Variants in EDAR observed in about 807,000 individuals in gnomAD.
The protein encoded by EDAR is ectodysplasin A receptor, also known as tumor necrosis factor receptor superfamily member EDAR.
EDAR carries 38 observed loss-of-function variants against 51.3 expected under a neutral mutation model. That is an observed-to-expected ratio of 0.74 (90% CI 0.57 to 0.97). EDAR has a LOEUF of 0.97. Among genes scored for constraint, EDAR ranks in the 50% least tolerant of loss-of-function variants. The pLI, the probability that EDAR is intolerant of heterozygous loss-of-function variation, is 0.00. For missense variants in EDAR, 528 were observed against 595.0 expected (o/e 0.89, Z 1.17); for synonymous variants, 227 against 242.1 (o/e 0.94, Z 0.58).
intron 1 of EDAR, among the ~76,000 whole-genome samples, chr2:108,959,379 C>T (rs1211531770): frequency 2.6e-5 from 4 of 152,228 alleles, no homozygotes; most frequent in African/African-American, 9.6e-5. Flanking sequence ...AATCAGAGCT[C>T]CCCAGTGTCT....
chr2:108,987,257 C>T (rs56364267), intron 1 of EDAR, among the ~76,000 whole-genome samples: 5,384 of 152,344 alleles, frequency 0.035, 319 homozygotes, highest in African/African-American at 0.12. Flanking sequence ...CAGAAAGGAG[C>T]GTCAGGTAAC....
intron 1 of EDAR, among the ~76,000 whole-genome samples, chr2:108,988,306 C>A (rs1236245499): frequency 6.6e-6 from 1 of 152,184 alleles, no homozygotes; most frequent in Admixed American, 6.5e-5. Flanking sequence ...GGAATCAGAG[C>A]CGACTGAATC....
At chr2:108,944,726 C>T (rs1202033101) in intron 1 of EDAR, among the ~76,000 whole-genome samples, 3 of 152,128 alleles carry the variant, frequency 2.0e-5, no homozygotes, top group South Asian at 2.1e-4. Flanking sequence ...TGCAGCACCC[C>T]CACCGTGCAG....
intron 5 of EDAR, among the ~76,000 whole-genome samples, chr2:108,919,768 G>C (rs775558092): frequency 6.6e-6 from 1 of 152,130 alleles, no homozygotes; most frequent in Admixed American, 6.5e-5. Context: ...GGTCAGCGAG[G>C]CTCCGTGGGG....
At chr2:108,984,143 G>T (rs1045599179) in intron 1 of EDAR, among the ~76,000 whole-genome samples, 6 of 152,068 alleles carry the variant, frequency 3.9e-5, no homozygotes, top group South Asian at 2.1e-4. Context: ...ATGTGTTAAC[G>T]GCCAAGGGAG....
Position 108,896,517 on chromosome 2 carries a change from C to T in EDAR, c.*390G>A, listed in dbSNP as rs1173845056. The T allele has an allele frequency of 5.2e-6, 1 of 192,142 alleles. No individual in the cohort carries two copies. Among genetic ancestry groups the T allele is most frequent in the Non-Finnish European group, 1.1e-5 (1 of 91,924 alleles). 11.9% of individuals were successfully genotyped at this position (192,142 alleles called of 1,614,324 possible). ...GTTTGTAAACATACGTTCCTTCTGT[C>T]TTCTACTGGAGTGCAAACTCCTTAA... is the stretch of plus-strand genomic sequence containing the variant. On this transcript the variant is annotated 3_prime_UTR_variant, in exon 12 of 12. Coordinates refer to ENST00000258443, the MANE Select transcript of EDAR (RefSeq NM_022336.4).
Position 108,896,985 on chromosome 2 carries a change from A to G in EDAR, c.1269T>C (p.Ala423=), listed in dbSNP as rs760079482. 6.2e-7 allele frequency: 1 copy of G among 1,613,832 alleles called. No homozygotes were observed. Residue 423 remains alanine (A), a synonymous_variant, in exon 12 of 12, where the codon GCT becomes GCC. Coordinates refer to ENST00000258443, the MANE Select transcript of EDAR (RefSeq NM_022336.4). ...TKLVQIERLD[A]VESLCADILE... ...GTATGTCTGCACACAAGGACTCCAC[A>G]GCATCCAGCCGCTCAATCTGCACCA...
intron 4 of EDAR, among the ~76,000 whole-genome samples, chr2:108,925,250 G>A (rs1697230622): frequency 6.6e-6 from 1 of 152,248 alleles, no homozygotes; most frequent in African/African-American, 2.4e-5. Context: ...AACATTGGCT[G>A]AATGAATGAA....
At chr2:108,914,883 T>C (rs1696998960) in intron 5 of EDAR, among the ~76,000 whole-genome samples, 1 of 152,186 alleles carries the variant, frequency 6.6e-6, no homozygotes, top group Non-Finnish European at 1.5e-5. Flanking sequence ...GCAGCAAGGC[T>C]TCCGGGAGAA....
chr2:108,910,339 C>T (rs1210626897), intron 9 of EDAR, 121 bp downstream of exon 9: 9 of 800,266 alleles, frequency 1.1e-5, no homozygotes, highest in African/African-American at 5.1e-5. Context: ...TGTCTGTCGC[C>T]GAACGTCCCC....
rs879008158 is a variant in EDAR, at chr2:108,896,918, CA to C, written c.1335del (p.His445GlnfsTer55). The C allele has an allele frequency of 1.9e-6, 3 of 1,612,184 alleles. No homozygotes were observed. The South Asian group carries it at 3.3e-5, about 18-fold the overall frequency. On this transcript the variant is annotated frameshift_variant, in exon 12 of 12. Coordinates refer to ENST00000258443, the MANE Select transcript of EDAR (RefSeq NM_022336.4). LOFTEE classifies it high-confidence loss of function. ...CACAGGCATGCTTTTCAGGATGCAG[CA>C]TGTGGCTGGGAGGCAGGTGGCACAA... ...AGVVPPASQPHAAS is the reference protein window; with the variant it reads ...AGVVPPASQPXAAS
chr2:108,914,748 A>G (rs1391485202), intron 5 of EDAR, among the ~76,000 whole-genome samples: 2 of 152,206 alleles, frequency 1.3e-5, no homozygotes, highest in Non-Finnish European at 2.9e-5. Flanking sequence ...CGTGAAGTGC[A>G]CTTGGTCTAC....
chr2:108,935,912 C>T (rs547926054), intron 1 of EDAR, among the ~76,000 whole-genome samples: 7 of 152,170 alleles, frequency 4.6e-5, no homozygotes, highest in Admixed American at 1.3e-4. Flanking sequence ...CTGAGCTGCT[C>T]GCCTCTTGGA....
chr2:108,985,864 A>C (rs1452165469), intron 1 of EDAR, among the ~76,000 whole-genome samples: 1 of 152,200 alleles, frequency 6.6e-6, no homozygotes, highest in Admixed American at 6.5e-5. Flanking sequence ...GAAGGAGCCC[A>C]TTCATTCATT....
intron 1 of EDAR, among the ~76,000 whole-genome samples, chr2:108,941,550 C>T (rs1697596001): frequency 6.6e-6 from 1 of 152,202 alleles, no homozygotes; most frequent in Non-Finnish European, 1.5e-5. Context: ...TTACACTCAG[C>T]TCTGAGGGTC....
At chr2:108,922,926 A>G (rs10203613) in intron 5 of EDAR, among the ~76,000 whole-genome samples, 16,256 of 152,226 alleles carry the variant, frequency 0.11, 1,187 homozygotes, top group African/African-American at 0.2. Flanking sequence ...GCTTTGTGGA[A>G]TCTGTTTCAT....
At chr2:108,933,806 G>T (rs572559038) in intron 1 of EDAR, among the ~76,000 whole-genome samples, 1 of 152,106 alleles carries the variant, frequency 6.6e-6, no homozygotes, top group African/African-American at 2.4e-5. Flanking sequence ...CCTGCAGCCC[G>T]TCAGGTGGGG....
intron 1 of EDAR, among the ~76,000 whole-genome samples, chr2:108,984,266 C>G (rs1444078264): frequency 6.6e-6 from 1 of 152,102 alleles, no homozygotes. Context: ...ACTTGGAGAC[C>G]CAGCTCCTTA....
chr2:108,912,575 A>C, intron 6 of EDAR, 103 bp downstream of exon 6: 5 of 1,092,914 alleles, frequency 4.6e-6, no homozygotes, highest in Non-Finnish European at 5.4e-6. Context: ...CAGGTGGGGA[A>C]GCGCACCATA....
Sources: allele counts gnomAD v4.1 joint callset (sites outside exome capture counted in the v4.1 genomes callset), GRCh38; gene constraint gnomAD v4.1.1; transcripts MANE v1.5; gene names NCBI Gene and HGNC (gene_info 2026-07-23, HGNC 2026-07-21).